HTR6: variants seen among roughly 807,000 people sequenced by gnomAD.
HTR6 encodes the protein 5-hydroxytryptamine (serotonin) receptor 6, G protein-coupled.
A neutral mutation model predicts 17.4 loss-of-function variants in HTR6; 15 were observed. The ratio of observed to expected loss-of-function variants is 0.86; its 90% CI spans 0.58 to 1.33. The LOEUF (loss-of-function observed/expected upper bound fraction) is 1.33. HTR6 is among the 40% of genes most tolerant of loss of function. HTR6 has a pLI of 0.00. For missense variants in HTR6, 578 were observed against 616.0 expected, an observed-to-expected ratio of 0.94 and a Z score of 0.65; for synonymous variants, 326 against 295.5, an observed-to-expected ratio of 1.10 and a Z score of -1.06.
In HTR6 at chr1:19,664,881, G is replaced by A. The variant is rs574326309; in HGVS notation, c.-873G>A. Reference sequence around the variant, plus strand: ...GGACCGCGCGCTCCAGGCTGCACCCGGCCTCTCCTCCGCGCGTGCGGGCCC... The same window carrying A: ...GGACCGCGCGCTCCAGGCTGCACCCAGCCTCTCCTCCGCGCGTGCGGGCCC... On this transcript the variant is annotated 5_prime_UTR_variant, in exon 1 of 3. Transcript: ENST00000289753. This position sits in a 1 kb window ranked among gnomAD's most constrained non-coding sequence, Gnocchi z 4.7. 4.6e-4 allele frequency among the ~76,000 whole-genome samples: 70 copies of A among 150,812 alleles called. No homozygotes were observed. The highest frequency in any genetic ancestry group is 1.6e-3 in the African/African-American group (68 of 41,380).
rs2095100399 is a variant in HTR6 at position 19,680,317 on chromosome 1, C to T, written c.*949C>T. 1.3e-5 allele frequency among the ~76,000 whole-genome samples: 2 copies of T among 152,344 alleles called. No individual in the cohort carries two copies. The highest frequency in any genetic ancestry group is 4.1e-4 in the South Asian group (2 of 4,830). ...GTTGTTCTCTTTCCATTTGCCTCCC[C>T]CTCTTCAGCCCTGGCCTAGCCTCCC... On this transcript the variant is annotated 3_prime_UTR_variant, in exon 3 of 3. Transcript: ENST00000289753.
At chr1:19,668,391 C>T (rs976278471) in intron 1 of HTR6, among the ~76,000 whole-genome samples, 1 of 152,044 alleles carries the variant, frequency 6.6e-6, no homozygotes, top group African/African-American at 2.4e-5. Context: ...ATGCACTGGC[C>T]CGATCATAAC....
rs976886674 is a variant in HTR6 at position 19,679,347 on chromosome 1, A to G, written c.1302A>G (p.Pro434=). The change falls in exon 3 of 3, where the codon CCA becomes CCG. Residue 434 remains proline (P), a synonymous_variant. Coordinates refer to ENST00000289753, the MANE Select transcript of HTR6 (RefSeq NM_000871.3). The surrounding 1 kb of genome is among the most constrained non-coding windows in gnomAD (Gnocchi z 4.9). ...DPAEPELRPH[P]LGIPTN is the part of the protein sequence containing the mutation. ...CGGAGCCCGAGCTGCGGCCGCATCC[A>G]CTTGGCATCCCCACGAACTGACCCG... 1.2e-5 allele frequency: 19 copies of G among 1,596,770 alleles called. 2 individuals carry two copies. The highest frequency in any genetic ancestry group is 6.7e-5 in the East Asian group (3 of 44,508).
chr1:19,672,906 C>A lies in HTR6; in HGVS notation c.715-5661C>A, dbSNP rs547528805. Among the ~76,000 whole-genome samples, 20 of 152,246 alleles carry A rather than the reference C, an allele frequency of 1.3e-4. No homozygotes were observed. The South Asian group carries it at 4.1e-3, about 32-fold the overall frequency. Reference sequence around the variant, plus strand: ...AATTAGCCAGGCCTGGTGGCACATACCTTTAGTTACAGCTATTCGAAGAGG... The same window carrying A: ...AATTAGCCAGGCCTGGTGGCACATAACTTTAGTTACAGCTATTCGAAGAGG... On this transcript the variant is annotated intron_variant, in intron 1 of 2. Transcript: ENST00000289753.
At chr1:19,672,536 C>T (rs2100472314) in intron 1 of HTR6, among the ~76,000 whole-genome samples, 1 of 152,188 alleles carries the variant, frequency 6.6e-6, no homozygotes, top group East Asian at 1.9e-4. Flanking sequence ...GCCAGGCAGC[C>T]TGGTGCAGCC....
chr1:19,673,576 T>A (rs1395392357), intron 1 of HTR6, among the ~76,000 whole-genome samples: 1 of 152,164 alleles, frequency 6.6e-6, no homozygotes, highest in Non-Finnish European at 1.5e-5. Context: ...TGCACACCTG[T>A]AGTCCCAGCT....
rs1026986755 is a variant in HTR6 at position 19,666,928 on chromosome 1, C to T, written c.714+461C>T. Among the ~76,000 whole-genome samples the T allele has an allele frequency of 6.6e-6, 1 of 152,096 alleles. No individual in the cohort carries two copies. Among genetic ancestry groups the T allele is most frequent in the African/African-American group, 2.4e-5 (1 of 41,414 alleles). Reference sequence around the variant, plus strand: ...TCTCCTGGCTCCCCTGCTTCTGCCGCAGACCCAGTACTCTCCATCTTCTGC... The same window carrying T: ...TCTCCTGGCTCCCCTGCTTCTGCCGTAGACCCAGTACTCTCCATCTTCTGC... On this transcript the variant is annotated intron_variant, in intron 1 of 2. Transcript: ENST00000289753. This position sits in a 1 kb window ranked among gnomAD's most constrained non-coding sequence, Gnocchi z 4.5.
chr1:19,675,179 C>A (rs545356118), intron 1 of HTR6, among the ~76,000 whole-genome samples: 27 of 152,280 alleles, frequency 1.8e-4, no homozygotes, highest in Non-Finnish European at 3.2e-4. Flanking sequence ...GAATCCCTAA[C>A]TCAACTCTTA....
At chr1:19,670,898 G>A (rs2095087286) in intron 1 of HTR6, among the ~76,000 whole-genome samples, 2 of 152,108 alleles carry the variant, frequency 1.3e-5, no homozygotes, top group South Asian at 4.2e-4. Context: ...CTGTTTGTGC[G>A]GTTGCCTGTT....
chr1:19,674,173 G>A (rs1161465352), intron 1 of HTR6, among the ~76,000 whole-genome samples: 3 of 151,874 alleles, frequency 2.0e-5, no homozygotes, highest in Admixed American at 1.3e-4. Context: ...TAGCCCTTCC[G>A]GGTCATTTTC....
Position 19,679,531 on chromosome 1 carries a change from C to G in HTR6, c.*163C>G. The G allele has an allele frequency of 1.0e-6, 1 of 1,001,448 alleles. No individual in the cohort carries two copies. Among genetic ancestry groups the G allele is most frequent in the South Asian group, 1.8e-5 (1 of 54,712 alleles). The allele number at this position is 1,001,448 out of a possible 1,614,324, so 62.0% of individuals were successfully genotyped here. On this transcript the variant is annotated 3_prime_UTR_variant, in exon 3 of 3. Coordinates refer to ENST00000289753, the MANE Select transcript of HTR6 (RefSeq NM_000871.3). This position sits in a 1 kb window ranked among gnomAD's most constrained non-coding sequence, Gnocchi z 4.9. ...TGACCCCCTGCTGCCATCTCCAGGCCCCTTACCTGCAGGGATCATAGCTGA... is the reference window on the plus strand; with the variant it reads ...TGACCCCCTGCTGCCATCTCCAGGCGCCTTACCTGCAGGGATCATAGCTGA...
In HTR6 at chr1:19,666,496, C is replaced by A. The variant is rs777110417; in HGVS notation, c.714+29C>A. On this transcript the variant is annotated intron_variant, in intron 1 of 2. Coordinates refer to ENST00000289753, the MANE Select transcript of HTR6 (RefSeq NM_000871.3). This position sits in a 1 kb window ranked among gnomAD's most constrained non-coding sequence, Gnocchi z 4.5. ...CCTGGGGTGCGCAGGGAGACCCGGGCTGTGGGATAGAGAGGAATGAGCAGC... is the reference window on the plus strand; with the variant it reads ...CCTGGGGTGCGCAGGGAGACCCGGGATGTGGGATAGAGAGGAATGAGCAGC... 34 of 1,533,914 alleles carry A rather than the reference C, an allele frequency of 2.2e-5. No homozygotes were observed. The highest frequency in any genetic ancestry group is 7.3e-5 in the Admixed American group (4 of 55,088).
At chr1:19,678,469 C>T (rs1041380296) in intron 1 of HTR6, 98 bp from the exon 2 acceptor site, 12 of 1,435,772 alleles carry the variant, frequency 8.4e-6, no homozygotes, top group African/African-American at 7.0e-5. Context: ...GGCACTAGGG[C>T]TCAGTCTAGA....
intron 1 of HTR6, among the ~76,000 whole-genome samples, chr1:19,667,213 G>A (rs543948334): frequency 1.2e-3 from 180 of 152,138 alleles, no homozygotes; most frequent in Non-Finnish European, 2.0e-3. Context: ...CCCTGTGCCT[G>A]GAATGTTCTT....
intron 1 of HTR6, among the ~76,000 whole-genome samples, chr1:19,675,425 GT>G (rs1386133192): frequency 6.6e-6 from 1 of 152,104 alleles, no homozygotes; most frequent in East Asian, 1.9e-4. Context: ...GAAGGGTAGA[GT>G]GTCCTCTACC....
intron 1 of HTR6, among the ~76,000 whole-genome samples, chr1:19,672,690 A>G (rs764752120): frequency 2.0e-5 from 3 of 152,202 alleles, no homozygotes; most frequent in Non-Finnish European, 2.9e-5. Context: ...GTCTGTTTGA[A>G]GAGTCAATTA....
chr1:19,666,442 C>T lies in HTR6; in HGVS notation c.689C>T (p.Ala230Val), dbSNP rs141808974. ...GTGGCCTCCCTCACCACCGGCATGGCCAGTCAGGCCTCGGAGACGCTGCAG... is the reference window on the plus strand; with the variant it reads ...GTGGCCTCCCTCACCACCGGCATGGTCAGTCAGGCCTCGGAGACGCTGCAG... ...VQVASLTTGM[A>V]SQASETLQVP... The change falls in exon 1 of 3, where the codon GCC becomes GTC. Residue 230 changes from alanine to valine, a missense_variant. Ala to Val is a moderately conservative substitution (Grantham distance 64). Transcript: ENST00000289753. The surrounding 1 kb of genome is among the most constrained non-coding windows in gnomAD (Gnocchi z 4.5). The T allele has an allele frequency of 6.2e-7, 1 of 1,610,948 alleles. No homozygotes were observed. The highest frequency in any genetic ancestry group is 8.5e-7 in the Non-Finnish European group (1 of 1,178,922).
At chr1:19,668,705 G>A (rs548576414) in intron 1 of HTR6, among the ~76,000 whole-genome samples, 12 of 152,222 alleles carry the variant, frequency 7.9e-5, no homozygotes, top group Middle Eastern at 6.8e-3. Flanking sequence ...GCATGCCCCC[G>A]TGCCTGGCAT....
intron 1 of HTR6, among the ~76,000 whole-genome samples, chr1:19,671,315 A>G (rs1404423702): frequency 2.0e-5 from 3 of 152,180 alleles, no homozygotes; most frequent in African/African-American, 7.2e-5. Context: ...CTCTCAAGCC[A>G]GAAATGTGTC....
Sources: allele counts gnomAD v4.1 joint callset (sites outside exome capture counted in the v4.1 genomes callset), GRCh38; gene constraint gnomAD v4.1.1; non-coding constraint Gnocchi (gnomAD v3.1); transcripts MANE v1.5; gene names NCBI Gene and HGNC (gene_info 2026-07-23, HGNC 2026-07-21).